The following C8orf74 variants were observed in gnomAD, a reference collection of about 807,000 sequenced individuals.
C8orf74 encodes the protein chromosome 8 open reading frame 74.
Under a neutral mutation model 22.2 loss-of-function variants are expected in C8orf74, and 29 were observed. The observed-to-expected ratio is 1.31, with a 90% CI of 0.97 to 1.78. The LOEUF is 1.78. Ranked by LOEUF, C8orf74 falls within the 40% of genes most tolerant of loss-of-function variation. The pLI, the probability that C8orf74 is intolerant of heterozygous loss-of-function variation, is 0.00. For missense variants in C8orf74, 515 were observed against 369.9 expected (o/e 1.39, Z -3.22); for synonymous variants, 255 against 163.1 (o/e 1.56, Z -4.30).
intron 2 of C8orf74, among the ~76,000 whole-genome samples, chr8:10,687,540 A>T (rs1799286281): frequency 7.1e-6 from 1 of 140,010 alleles, no homozygotes; most frequent in African/African-American, 2.8e-5. Context: ...TGAATCTGGG[A>T]GGCGGAGGTT....
intron 2 of C8orf74, chr8:10,691,069 G>T (rs1799370926): frequency 2.6e-6 from 1 of 388,996 alleles, no homozygotes; most frequent in South Asian, 1.8e-5. Context: ...AGGGAGTGTG[G>T]TCCGAGGCCA....
At position 10,674,647 on chromosome 8, in the gene C8orf74, G is replaced by C. The variant is rs763973384; in HGVS notation, c.50G>C (p.Arg17Thr). 3.1e-6 allele frequency: 5 copies of C among 1,605,580 alleles called. No homozygotes were observed. Among genetic ancestry groups the C allele is most frequent in the Non-Finnish European group, 2.6e-6 (3 of 1,176,350 alleles). Residue 17 changes from arginine (R) to threonine (T), a missense_variant and splice_region_variant, in exon 2 of 4, where the codon AGA (arginine) becomes ACA (threonine). Arg to Thr is a moderately conservative substitution (Grantham distance 71, BLOSUM62 -1). Transcript: ENST00000304519. Reference protein sequence around the residue: ...QGVKEVFQLQRPQGRERLRRL... With the variant: ...QGVKEVFQLQTPQGRERLRRL... ...CAGTTCCCATGTCATTCCCTGCAGA[G>C]ACCACAAGGTCGGGAGCGCCTGCGG...
At chr8:10,698,146 C>A (rs1799573178) in intron 3 of C8orf74, 141 bp downstream of exon 3, 3 of 808,184 alleles carry the variant, frequency 3.7e-6, no homozygotes, top group Non-Finnish European at 5.4e-6. Flanking sequence ...GAGTCTACCA[C>A]GAGCTTCGCG....
intron 2 of C8orf74, among the ~76,000 whole-genome samples, chr8:10,678,505 G>A (rs1176146234): frequency 6.6e-6 from 1 of 152,056 alleles, no homozygotes; most frequent in African/African-American, 2.4e-5. Flanking sequence ...ACGTGCCAGG[G>A]CCCTTTCTCC....
In C8orf74 at chr8:10,700,269, C is replaced by T. The variant is rs745555031; in HGVS notation, c.683C>T (p.Thr228Ile). 4 of 1,612,400 alleles carry T rather than the reference C, an allele frequency of 2.5e-6. No homozygotes were observed. The highest frequency in any genetic ancestry group is 1.3e-5 in the African/African-American group (1 of 74,878). Residue 228 changes from threonine (T) to isoleucine (I), a missense_variant, in exon 4 of 4, where the codon ACC becomes ATC. Transcript: ENST00000304519. Reference sequence around the variant, plus strand: ...AGCCTCATCTGCCAGGCAGTCCACACCCAGATGGAGCTCCTGCAGGAGCTG... The same window carrying T: ...AGCCTCATCTGCCAGGCAGTCCACATCCAGATGGAGCTCCTGCAGGAGCTG... ...LESLICQAVH[T>I]QMELLQELLQ...
At position 10,697,965 on chromosome 8, in the gene C8orf74, C is replaced by T; in HGVS notation, c.608C>T (p.Ala203Val). Residue 203 changes from alanine to valine, a missense_variant, in exon 3 of 4, where the codon GCC becomes GTC. Transcript: ENST00000304519. ...AACTCGCTGCAGAAGGCGTTCGCTG[C>T]CGCCGCGCCTGCGCAGCCCGGCCAG... Reference protein sequence around the residue: ...RENSLQKAFAAAAPAQPGQVL... With the variant: ...RENSLQKAFAVAAPAQPGQVL... The T allele has an allele frequency of 6.5e-7, 1 of 1,532,234 alleles. No individual in the cohort carries two copies. The allele number at this position is 1,532,234 out of a possible 1,614,324, so 94.9% of individuals were successfully genotyped here.
chr8:10,685,432 C>G (rs1231152512), intron 2 of C8orf74, among the ~76,000 whole-genome samples: 1 of 152,220 alleles, frequency 6.6e-6, no homozygotes, highest in Admixed American at 6.5e-5. Context: ...AGAATGTGAT[C>G]TATCCATACA....
At chr8:10,673,157 T>C (rs1235313681) in intron 1 of C8orf74, among the ~76,000 whole-genome samples, 3 of 152,096 alleles carry the variant, frequency 2.0e-5, no homozygotes, top group African/African-American at 7.2e-5. Flanking sequence ...AAGGCCACCA[T>C]TGGTCCTCCA....
intron 2 of C8orf74, among the ~76,000 whole-genome samples, chr8:10,677,568 C>G (rs1038119374): frequency 6.6e-6 from 1 of 152,144 alleles, no homozygotes; most frequent in Non-Finnish European, 1.5e-5. Context: ...ACCACCCATA[C>G]CACACCACCT....
intron 2 of C8orf74, among the ~76,000 whole-genome samples, chr8:10,678,604 A>AC (rs1279544637): frequency 3.3e-5 from 5 of 152,038 alleles, no homozygotes; most frequent in African/African-American, 1.2e-4. Flanking sequence ...AAAAAAAAAA[A>AC]AAAAAAAGCA....
intron 2 of C8orf74, among the ~76,000 whole-genome samples, chr8:10,695,076 G>C (rs1054828868): frequency 7.2e-5 from 11 of 151,984 alleles, no homozygotes; most frequent in Admixed American, 2.0e-4. Flanking sequence ...GGAAGGAATA[G>C]AGGGAAGGCT....
chr8:10,694,444 G>A (rs1212667598), intron 2 of C8orf74, among the ~76,000 whole-genome samples: 1 of 152,092 alleles, frequency 6.6e-6, no homozygotes, highest in Non-Finnish European at 1.5e-5. Context: ...AGATAATTTT[G>A]AAGGCTTCAA....
intron 3 of C8orf74, 42 bp downstream of exon 3, chr8:10,698,047 G>A: frequency 7.0e-7 from 1 of 1,437,066 alleles, no homozygotes; most frequent in Non-Finnish European, 9.1e-7. Context: ...ACCTGGGCCT[G>A]CAGAGACACC....
intron 2 of C8orf74, among the ~76,000 whole-genome samples, chr8:10,681,109 G>A (rs1799138883): frequency 6.6e-6 from 1 of 151,860 alleles, no homozygotes; most frequent in African/African-American, 2.4e-5. Context: ...GTGATTCAGA[G>A]CTCTGCCAGG....
At chr8:10,677,742 G>A (rs1328683444) in intron 2 of C8orf74, among the ~76,000 whole-genome samples, 1 of 152,100 alleles carries the variant, frequency 6.6e-6, no homozygotes, top group Non-Finnish European at 1.5e-5. Flanking sequence ...TCGGTGAGGT[G>A]GTCAGGGATG....
chr8:10,697,813 G>A lies in C8orf74; in HGVS notation c.456G>A (p.Pro152=). 1.2e-6 allele frequency: 2 copies of A among 1,613,922 alleles called. No homozygotes were observed. Among genetic ancestry groups the A allele is most frequent in the Non-Finnish European group, 1.7e-6 (2 of 1,179,872 alleles). ...TGTGCATGCCACCCCATCCCCTCCCGCTGGCCGAGGGCATGGACAGGGACT... is the reference window on the plus strand; with the variant it reads ...TGTGCATGCCACCCCATCCCCTCCCACTGGCCGAGGGCATGGACAGGGACT... ...LEVCMPPHPL[P]LAEGMDRDLW... is the part of the protein sequence containing the mutation. Residue 152 remains proline (P), a synonymous_variant, in exon 3 of 4, where the codon CCG becomes CCA. Coordinates refer to ENST00000304519, the MANE Select transcript of C8orf74 (RefSeq NM_001040032.2).
At position 10,700,284 on chromosome 8, in the gene C8orf74, T is replaced by A; in HGVS notation, c.698T>A (p.Leu233Gln). The A allele has an allele frequency of 6.2e-7, 1 of 1,613,470 alleles. No homozygotes were observed. Among genetic ancestry groups the A allele is most frequent in the Non-Finnish European group, 8.5e-7 (1 of 1,179,526 alleles). ...CQAVHTQMEL[L>Q]QELLQRQIQN... ...GCAGTCCACACCCAGATGGAGCTCC[T>A]GCAGGAGCTGCTGCAGCGCCAGATC... The change falls in exon 4 of 4, where the codon CTG (leucine) becomes CAG (glutamine). Residue 233 changes from leucine (L) to glutamine (Q), a missense_variant. Physicochemically the swap from Leu to Gln is moderately radical, Grantham distance 113. Coordinates refer to ENST00000304519, the MANE Select transcript of C8orf74 (RefSeq NM_001040032.2).
intron 3 of C8orf74, among the ~76,000 whole-genome samples, chr8:10,699,972 G>C (rs369942696): frequency 6.6e-6 from 1 of 152,364 alleles, no homozygotes; most frequent in African/African-American, 2.4e-5. Flanking sequence ...CTGAGGGACA[G>C]GGAATGTGAC....
In C8orf74 at chr8:10,697,759, G is replaced by T; in HGVS notation, c.402G>T (p.Gln134His). Reference protein sequence around the residue: ...LYQYVLGQDQQVDLTVAHLEV... With the variant: ...LYQYVLGQDQHVDLTVAHLEV... ...AGTATGTCCTGGGCCAGGACCAGCA[G>T]GTCGACCTGACCGTTGCCCACCTGG... is the stretch of plus-strand genomic sequence containing the variant. The change falls in exon 3 of 4, where the codon CAG becomes CAT. Residue 134 changes from glutamine to histidine, a missense_variant. Transcript: ENST00000304519. 6.2e-7 allele frequency: 1 copy of T among 1,614,072 alleles called. No individual in the cohort carries two copies. Among genetic ancestry groups the T allele is most frequent in the Non-Finnish European group, 8.5e-7 (1 of 1,179,912 alleles).
Sources: allele counts gnomAD v4.1 joint callset (sites outside exome capture counted in the v4.1 genomes callset), GRCh38; gene constraint gnomAD v4.1.1; transcripts MANE v1.5; gene names NCBI Gene and HGNC (gene_info 2026-07-23, HGNC 2026-07-21).